C21orf58: variants seen among roughly 807,000 people sequenced by gnomAD.
The protein encoded by C21orf58 is uncharacterized protein C21orf58.
C21orf58 carries 34 observed loss-of-function variants against 35.8 expected under a neutral mutation model. The observed-to-expected ratio is 0.95, with a 90% CI of 0.72 to 1.26. C21orf58 has a LOEUF of 1.26. C21orf58 is among the 50% of genes most tolerant of loss of function. The pLI, the probability that C21orf58 is intolerant of heterozygous loss-of-function variation, is 0.00. For synonymous variants in C21orf58, 191 were observed against 175.8 expected, an observed-to-expected ratio of 1.09 and a Z score of -0.68; for missense variants, 440 against 414.3, an observed-to-expected ratio of 1.06 and a Z score of -0.54.
chr21:46,301,856 G>T lies in C21orf58; in HGVS notation c.*143C>A. 1 of 1,274,028 alleles carries T rather than the reference G, an allele frequency of 7.8e-7. No homozygotes were observed. The highest frequency in any genetic ancestry group is 9.9e-7 in the Non-Finnish European group (1 of 1,012,112). The allele number at this position is 1,274,028 out of a possible 1,614,324, so 78.9% of individuals were successfully genotyped here. ...CGAGCCTGCCCAGCTTCCCCAGGAG[G>T]AGCCTGCAGTCCACACTCGCGTAGC... is the stretch of plus-strand genomic sequence containing the variant. On this transcript the variant is annotated 3_prime_UTR_variant, in exon 8 of 8. Coordinates refer to ENST00000291691, the MANE Select transcript of C21orf58 (RefSeq NM_058180.5).
In C21orf58 at chr21:46,317,220, G is replaced by A; in HGVS notation, c.358C>T (p.His120Tyr). The change falls in exon 3 of 8, where the codon CAC (histidine) becomes TAC (tyrosine). Residue 120 changes from histidine to tyrosine, a missense_variant. Transcript: ENST00000291691. ...CAGGGGCTCTCACCTGGCTCGAGGT[G>A]GAGGCCCTCAGGTCCCCCTTCCACG... is the stretch of plus-strand genomic sequence containing the variant. Reference protein sequence around the residue: ...QNVEGGPEGLHLEPGNEDRPD... With the variant: ...QNVEGGPEGLYLEPGNEDRPD... The A allele has an allele frequency of 6.2e-7, 1 of 1,611,168 alleles. No individual in the cohort carries two copies. Among genetic ancestry groups the A allele is most frequent in the Non-Finnish European group, 8.5e-7 (1 of 1,179,584 alleles).
Position 46,318,194 on chromosome 21 carries a change from G to C in C21orf58, c.127C>G (p.Pro43Ala). 1 of 1,612,750 alleles carries C rather than the reference G, an allele frequency of 6.2e-7. No homozygotes were observed. Among genetic ancestry groups the C allele is most frequent in the Non-Finnish European group, 8.5e-7 (1 of 1,180,006 alleles). ...GCCCAAGCACCGGTGTTGCCTGCAG[G>C]GCGGGCCTTACCTCCTGGAGACCAG... ...CGWSPGGKARPAGNTGAWAPA... is the reference protein window; with the variant it reads ...CGWSPGGKARAAGNTGAWAPA... Residue 43 changes from proline to alanine, a missense_variant, in exon 2 of 8, where the codon CCT (proline) becomes GCT (alanine). By Grantham distance (27) the Pro-to-Ala change is conservative (BLOSUM62 -1). Transcript: ENST00000291691.
At chr21:46,304,063 G>A (rs1192003453) in intron 6 of C21orf58, among the ~76,000 whole-genome samples, 12 of 101,024 alleles carry the variant, frequency 1.2e-4, no homozygotes, top group African/African-American at 4.8e-4. Flanking sequence ...GTCTCACTGT[G>A]TCACCCAGGC....
chr21:46,317,365 G>T (rs1456538108), intron 2 of C21orf58, 97 bp from the exon 3 acceptor site: 27 of 1,540,932 alleles, frequency 1.8e-5, no homozygotes, highest in Non-Finnish European at 2.3e-5. Flanking sequence ...GAAAAGAATG[G>T]TACGTCAGGA....
In C21orf58 at chr21:46,301,976, G is replaced by T; in HGVS notation, c.*23C>A. Reference sequence around the variant, plus strand: ...AAGCCTGGGGGTGGAGGGTGCCCCGGCCAGGGTCTCTGTGACTCACACTCA... The same window carrying T: ...AAGCCTGGGGGTGGAGGGTGCCCCGTCCAGGGTCTCTGTGACTCACACTCA... On this transcript the variant is annotated 3_prime_UTR_variant, in exon 8 of 8. Coordinates refer to ENST00000291691, the MANE Select transcript of C21orf58 (RefSeq NM_058180.5). The T allele has an allele frequency of 3.3e-6, 5 of 1,500,668 alleles. No homozygotes were observed. The highest frequency in any genetic ancestry group is 4.4e-6 in the Non-Finnish European group (5 of 1,125,102). 93.0% of individuals were successfully genotyped at this position (1,500,668 alleles called of 1,614,324 possible). A position where few individuals can be genotyped will look rare whatever the true frequency, so the allele number is the denominator to read the frequency against.
At chr21:46,311,179 A>G (rs1049547067) in intron 6 of C21orf58, among the ~76,000 whole-genome samples, 1 of 152,074 alleles carries the variant, frequency 6.6e-6, no homozygotes, top group Non-Finnish European at 1.5e-5. Flanking sequence ...CCTAAAAATT[A>G]TTTTAAAAGA....
At chr21:46,314,652 G>A in intron 5 of C21orf58, 64 bp downstream of exon 5, 3 of 1,282,434 alleles carry the variant, frequency 2.3e-6, no homozygotes, top group Non-Finnish European at 2.1e-6. Context: ...CCTGCCTTCT[G>A]TAAAATCTTA....
rs1342428457 is a variant in C21orf58, at chr21:46,314,868, G to A, written c.457C>T (p.Leu153=). Residue 153 remains leucine (L), a synonymous_variant, in exon 5 of 8, where the codon CTG becomes TTG. Transcript: ENST00000291691. ...GCCTGGGCCCGAGAGAGCTCGTCCA[G>A]GAGGTGTTGTTCCTGCAAGGCCGAT... ...LLQRLREQHL[L]DELSRAQAWS... 3 of 1,550,458 alleles carry A rather than the reference G, an allele frequency of 1.9e-6. No homozygotes were observed. The highest frequency in any genetic ancestry group is 2.4e-5 in the East Asian group (1 of 40,904).
intron 2 of C21orf58, 114 bp downstream of exon 2, chr21:46,317,898 A>C (rs2065361603): frequency 8.5e-7 from 1 of 1,182,876 alleles, no homozygotes; most frequent in African/African-American, 1.5e-5. Flanking sequence ...TGCCAGCCCC[A>C]GGCCTAGCCC....
intron 7 of C21orf58, 43 bp downstream of exon 7, chr21:46,302,442 C>T: frequency 6.9e-7 from 1 of 1,458,016 alleles, no homozygotes; most frequent in East Asian, 2.3e-5. Context: ...ACCACCCAGG[C>T]CCTGTTTCCT....
At chr21:46,304,216 G>A (rs530966851) in intron 6 of C21orf58, among the ~76,000 whole-genome samples, 18 of 151,682 alleles carry the variant, frequency 1.2e-4, no homozygotes, top group African/African-American at 3.9e-4. Context: ...ATTTTTAGTA[G>A]AGATGGGGTT....
rs773263520 is a variant in C21orf58, at chr21:46,318,049, TCTG to T, written c.269_271del (p.Ala90del). ...CTTCAGCGTCAGTCGGGTCACTTGCTCTGCTGCTGATGAGTCCAGCATGGTGGG... is the reference window on the plus strand; with the variant it reads ...CTTCAGCGTCAGTCGGGTCACTTGCTCTGCTGATGAGTCCAGCATGGTGGG... On this transcript the variant is annotated inframe_deletion, in exon 2 of 8. Transcript: ENST00000291691. The T allele has an allele frequency of 2.5e-6, 4 of 1,613,470 alleles. No individual in the cohort carries two copies. The highest frequency in any genetic ancestry group is 2.5e-6 in the Non-Finnish European group (3 of 1,180,006).
intron 6 of C21orf58, among the ~76,000 whole-genome samples, chr21:46,304,408 G>T (rs1441476630): frequency 2.0e-5 from 3 of 151,562 alleles, no homozygotes; most frequent in Admixed American, 6.6e-5. Flanking sequence ...GAGTGCTTGA[G>T]CCCAGAAGTT....
rs138025967 is a variant in C21orf58, at chr21:46,318,005, G to T, written c.309+7C>A. ...TAAAAACAGGAGCATCCCGGGCTCT[G>T]CCTCACCTGTCCCAAGAGCTTCAGC... On this transcript the variant is annotated splice_region_variant and intron_variant, in intron 2 of 7. Transcript: ENST00000291691. 2 of 1,612,938 alleles carry T rather than the reference G, an allele frequency of 1.2e-6. No individual in the cohort carries two copies. The highest frequency in any genetic ancestry group is 3.3e-5 in the Admixed American group (2 of 59,984).
At chr21:46,308,849 T>C (rs1354014188) in intron 6 of C21orf58, among the ~76,000 whole-genome samples, 1 of 152,154 alleles carries the variant, frequency 6.6e-6, no homozygotes, top group Non-Finnish European at 1.5e-5. Flanking sequence ...GGTGGCTTTA[T>C]AATAAGAGGA....
Position 46,322,942 on chromosome 21 carries a change from C to A in C21orf58, c.-204G>T. ...CAAACAAGCACACGGCCCTCCACGA[C>A]GAACCTTTTGCAAGTGAAGGCGCAC... is the stretch of plus-strand genomic sequence containing the variant. On this transcript the variant is annotated 5_prime_UTR_variant, in exon 1 of 8. Transcript: ENST00000291691. 2.3e-6 allele frequency: 1 copy of A among 431,570 alleles called. No individual in the cohort carries two copies. The highest frequency in any genetic ancestry group is 3.6e-5 in the East Asian group (1 of 27,786). 26.7% of individuals were successfully genotyped at this position (431,570 alleles called of 1,614,324 possible). A position where few individuals can be genotyped will look rare whatever the true frequency, so the allele number is the denominator to read the frequency against.
chr21:46,315,632 G>A, intron 3 of C21orf58, 85 bp from the exon 4 acceptor site: 1 of 886,562 alleles, frequency 1.1e-6, no homozygotes, highest in Non-Finnish European at 1.9e-6. Flanking sequence ...CTGCACCCAT[G>A]TCGGAAGGCC....
intron 5 of C21orf58, among the ~76,000 whole-genome samples, chr21:46,312,603 A>G (rs969063358): frequency 6.6e-6 from 1 of 152,186 alleles, no homozygotes; most frequent in African/African-American, 2.4e-5. Flanking sequence ...GGGGAAATGC[A>G]GTAGCGGTTG....
At chr21:46,322,215 A>G (rs1233878180) in intron 1 of C21orf58, among the ~76,000 whole-genome samples, 2 of 151,814 alleles carry the variant, frequency 1.3e-5, no homozygotes, top group African/African-American at 4.8e-5. Context: ...GAGCCCGGGG[A>G]AGTTGAGGCT....
Sources: gnomAD v4.1 joint callset for allele counts (sites outside exome capture counted in the v4.1 genomes callset) on GRCh38, gnomAD v4.1.1 for gene constraint, MANE v1.5 for transcripts, NCBI Gene and HGNC (gene_info 2026-07-23, HGNC 2026-07-21) for gene names.